XKR6: variants seen among roughly 807,000 people sequenced by gnomAD.
XKR6 encodes XK-related protein 6.
In XKR6, 22 loss-of-function variants were observed where a neutral mutation model predicts 56.7. That is an observed-to-expected ratio of 0.39 (90% CI 0.28 to 0.55). XKR6 has a LOEUF of 0.55. Among genes scored for constraint, XKR6 ranks in the 20% least tolerant of loss-of-function variants. The pLI, the probability that XKR6 is intolerant of heterozygous loss-of-function variation, is 0.66. For missense variants in XKR6, 852 were observed against 889.0 expected, an observed-to-expected ratio of 0.96 and a Z score of 0.53; for synonymous variants, 524 against 387.8, an observed-to-expected ratio of 1.35 and a Z score of -4.13.
At chr8:10,914,838 A>C (rs893884747) in intron 2 of XKR6, among the ~76,000 whole-genome samples, 6 of 152,188 alleles carry the variant, frequency 3.9e-5, no homozygotes, top group African/African-American at 1.4e-4. Flanking sequence ...TCCAGTACAG[A>C]GGTCCCCCTC....
At chr8:11,017,536 C>A (rs574622474) in intron 1 of XKR6, among the ~76,000 whole-genome samples, 1 of 152,382 alleles carries the variant, frequency 6.6e-6, no homozygotes, top group East Asian at 1.9e-4. Context: ...CAAGCATCTG[C>A]TGAGCCTGTT....
At chr8:10,979,508 C>T (rs752884175) in intron 1 of XKR6, among the ~76,000 whole-genome samples, 4 of 152,088 alleles carry the variant, frequency 2.6e-5, no homozygotes, top group Non-Finnish European at 5.9e-5. Context: ...GTCTCTCCTC[C>T]GGTCTGGTCC....
chr8:10,997,151 G>A (rs998497677), intron 1 of XKR6, among the ~76,000 whole-genome samples: 32 of 151,988 alleles, frequency 2.1e-4, no homozygotes, highest in African/African-American at 7.5e-4. Flanking sequence ...TACAACCTTC[G>A]TAGCTTTTAT....
intron 1 of XKR6, among the ~76,000 whole-genome samples, chr8:11,149,890 T>C (rs1801182415): frequency 6.6e-6 from 1 of 152,250 alleles, no homozygotes; most frequent in South Asian, 2.1e-4. Context: ...GATGAAATAC[T>C]ATTCAGCCAC....
chr8:11,176,467 T>C (rs7813802), intron 1 of XKR6, among the ~76,000 whole-genome samples: 76,064 of 152,030 alleles, frequency 0.5, 20,233 homozygotes, highest in African/African-American at 0.61. Context: ...GTTTCAAATA[T>C]ACTGGTTAAC....
chr8:11,088,665 G>C (rs1797971768), intron 1 of XKR6, among the ~76,000 whole-genome samples: 1 of 152,150 alleles, frequency 6.6e-6, no homozygotes, highest in Non-Finnish European at 1.5e-5. Context: ...AGATTCAAGT[G>C]ATGAGGATTA....
At position 10,924,828 on chromosome 8, in the gene XKR6, T is replaced by G. The variant is rs1413853603; in HGVS notation, c.767A>C (p.Tyr256Ser). The G allele has an allele frequency of 6.2e-7, 1 of 1,612,318 alleles. No homozygotes were observed. Among genetic ancestry groups the G allele is most frequent in the South Asian group, 1.1e-5 (1 of 90,962 alleles). The change falls in exon 2 of 3, where the codon TAT (tyrosine) becomes TCT (serine). Residue 256 changes from tyrosine to serine, a missense_variant and splice_region_variant. Physicochemically the swap from Tyr to Ser is moderately radical, Grantham distance 144 (BLOSUM62 -2). This residue lies in a region of XKR6 where 199 missense variants were observed against 280.4 expected (regional missense o/e 0.71). Transcript: ENST00000416569. ...HLLQMGQVWR[Y>S]IRTMYLGIQS... ...AATCCCCAGGTACATGGTGCGGATATACCTGCCCAGAGAGATGGGGAGAAC... is the reference window on the plus strand; with the variant it reads ...AATCCCCAGGTACATGGTGCGGATAGACCTGCCCAGAGAGATGGGGAGAAC...
chr8:10,955,809 G>C (rs1801869595), intron 1 of XKR6, among the ~76,000 whole-genome samples: 1 of 152,170 alleles, frequency 6.6e-6, no homozygotes, highest in Non-Finnish European at 1.5e-5. Context: ...ACAGAGGTAG[G>C]ATGAGATCCA....
chr8:10,928,282 C>A (rs544795683), intron 1 of XKR6, among the ~76,000 whole-genome samples: 1 of 152,332 alleles, frequency 6.6e-6, no homozygotes, highest in East Asian at 1.9e-4. Context: ...GCCTCTCATG[C>A]AGGAGGATCC....
intron 1 of XKR6, among the ~76,000 whole-genome samples, chr8:11,110,229 T>G (rs1486148997): frequency 2.0e-5 from 3 of 152,176 alleles, no homozygotes; most frequent in Non-Finnish European, 4.4e-5. Context: ...CACCTTGGCC[T>G]CCCAAAGTGC....
chr8:11,100,203 C>G (rs554995007), intron 1 of XKR6, among the ~76,000 whole-genome samples: 1 of 152,106 alleles, frequency 6.6e-6, no homozygotes, highest in African/African-American at 2.4e-5. Context: ...CAGGCATAAG[C>G]CATCATGCCG....
At chr8:11,113,770 T>A (rs1035906002) in intron 1 of XKR6, 4 of 154,658 alleles carry the variant, frequency 2.6e-5, no homozygotes, top group Non-Finnish European at 5.8e-5. Context: ...AAAAGCCATG[T>A]TAAAACAGCT....
At chr8:11,036,679 G>A (rs776230635) in intron 1 of XKR6, among the ~76,000 whole-genome samples, 2 of 152,192 alleles carry the variant, frequency 1.3e-5, no homozygotes, top group Non-Finnish European at 2.9e-5. Flanking sequence ...TTCTTTGGAG[G>A]GTTCAACAGA....
chr8:11,114,725 ATATGTGTGTG>A (rs1223104431), intron 1 of XKR6, among the ~76,000 whole-genome samples: 3 of 77,628 alleles, frequency 3.9e-5, no homozygotes, highest in African/African-American at 1.1e-4. Context: ...CTTAGATCAC[ATATGTGTGTG>A]TGTGTGTGTG....
At chr8:11,001,625 G>T (rs1798241194) in intron 1 of XKR6, among the ~76,000 whole-genome samples, 1 of 152,198 alleles carries the variant, frequency 6.6e-6, no homozygotes, top group Non-Finnish European at 1.5e-5. Context: ...AGTCAGCAGG[G>T]CCCCCCATTC....
intron 1 of XKR6, among the ~76,000 whole-genome samples, chr8:10,954,857 C>T (rs1801829312): frequency 1.2e-5 from 1 of 86,680 alleles, no homozygotes; most frequent in Non-Finnish European, 2.4e-5. Flanking sequence ...AAGGGTCTAA[C>T]TTCATTCTCT....
chr8:11,148,323 A>C lies in XKR6; in HGVS notation c.764+52253T>G, dbSNP rs183807059. Among the ~76,000 whole-genome samples the C allele has an allele frequency of 2.6e-5, 4 of 152,368 alleles. 1 individual carries two copies. The highest frequency in any genetic ancestry group is 2.1e-4 in the South Asian group (1 of 4,832). ...ATAGGAAATTTGGACACAGAAAGTGACACGGGATGTGCATGCTCAGAGCAA... is the reference window on the plus strand; with the variant it reads ...ATAGGAAATTTGGACACAGAAAGTGCCACGGGATGTGCATGCTCAGAGCAA... On this transcript the variant is annotated intron_variant, in intron 1 of 2. Coordinates refer to ENST00000416569, the MANE Select transcript of XKR6 (RefSeq NM_173683.4).
intron 1 of XKR6, among the ~76,000 whole-genome samples, chr8:10,925,073 T>G (rs1002363578): frequency 9.9e-5 from 15 of 152,104 alleles, no homozygotes; most frequent in Non-Finnish European, 2.1e-4. Context: ...TAGGCAGGTC[T>G]TCCTCCTCCT....
chr8:11,197,278 G>A (rs759668185), intron 1 of XKR6, among the ~76,000 whole-genome samples: 3 of 152,310 alleles, frequency 2.0e-5, no homozygotes, highest in Non-Finnish European at 2.9e-5. Context: ...ATGTGGCCAT[G>A]AAATTTTGGT....
Sources: gnomAD v4.1 joint callset for allele counts (sites outside exome capture counted in the v4.1 genomes callset) on GRCh38, gnomAD v4.1.1 for gene constraint, gnomAD v4.1.1 regional missense constraint, MANE v1.5 for transcripts, NCBI Gene and HGNC (gene_info 2026-07-23, HGNC 2026-07-21) for gene names.